Variants in CLCN5 observed in about 807,000 individuals in gnomAD.
CLCN5 encodes the protein H(+)/Cl(-) exchange transporter 5.
CLCN5 carries 17 observed loss-of-function variants against 54.0 expected under a neutral mutation model. The observed-to-expected ratio is 0.31, with a 90% CI of 0.22 to 0.47. The LOEUF is 0.47. Ranked by LOEUF, CLCN5 falls within the 20% of genes least tolerant of loss-of-function variation. The pLI, the probability that CLCN5 is intolerant of heterozygous loss-of-function variation, is 1.00. For synonymous variants in CLCN5, 222 were observed against 233.0 expected, an observed-to-expected ratio of 0.95 and a Z score of 0.43; for missense variants, 448 against 646.7, an observed-to-expected ratio of 0.69 and a Z score of 3.33.
At chrX:49,996,896 C>T (rs1431334311) in intron 3 of CLCN5, among the ~76,000 whole-genome samples, 2 of 111,873 alleles carry the variant, frequency 1.8e-5, no homozygotes, top group African/African-American at 3.3e-5. Context: ...TTGTGGCCTC[C>T]TTAGGTAGTA....
rs1327508988 is a variant in CLCN5, at chrX:49,922,774, C to T, written c.-223C>T. ...CCGGCGGCGGACACGGGCTCCGCCG[C>T]TCCGGACCTCGGCGACAGGTAAAGG... On this transcript the variant is annotated 5_prime_UTR_variant, in exon 1 of 15. Coordinates refer to ENST00000376091, the MANE Select transcript of CLCN5 (RefSeq NM_001127898.4). 1 of 113,210 alleles carries T rather than the reference C, an allele frequency of 8.8e-6. No homozygotes were observed. Among genetic ancestry groups the T allele is most frequent in the Non-Finnish European group, 1.9e-5 (1 of 53,330 alleles). 9.3% of individuals were successfully genotyped at this position (113,210 alleles called of 1,213,427 possible). A position where few individuals can be genotyped will look rare whatever the true frequency, so the allele number is the denominator to read the frequency against.
At chrX:49,924,422 T>A (rs1442703687) in intron 2 of CLCN5, among the ~76,000 whole-genome samples, 1 of 112,280 alleles carries the variant, frequency 8.9e-6, no homozygotes, top group Non-Finnish European at 1.9e-5. Context: ...TGCTTCGGCC[T>A]CCCAAAGTGC....
chrX:50,077,590 G>A (rs1933457469), intron 7 of CLCN5, among the ~76,000 whole-genome samples: 1 of 93,650 alleles, frequency 1.1e-5, no homozygotes, highest in Admixed American at 1.1e-4. Context: ...TAGGGTGGGT[G>A]TGAAAGAGAG....
intron 1 of CLCN5, 122 bp downstream of exon 1, chrX:49,922,914 A>AC (rs1309670757): frequency 1.8e-5 from 2 of 111,591 alleles, no homozygotes; most frequent in Non-Finnish European, 3.8e-5. Context: ...GCTGGCTTGG[A>AC]CCCCCGGAGA....
chrX:50,066,069 G>T, intron 4 of CLCN5, among the ~76,000 whole-genome samples: 1 of 103,514 alleles, frequency 9.7e-6, no homozygotes, highest in African/African-American at 3.6e-5. Context: ...GCTAGATGAT[G>T]AGTTAGTGGG....
chrX:49,989,791 G>A (rs782696653), intron 3 of CLCN5, among the ~76,000 whole-genome samples: 1 of 111,962 alleles, frequency 8.9e-6, no homozygotes, highest in South Asian at 3.8e-4. Context: ...TTTAAAAATT[G>A]TTTTCTGTTT....
intron 3 of CLCN5, among the ~76,000 whole-genome samples, chrX:49,935,257 A>T (rs1448131538): frequency 8.9e-6 from 1 of 111,944 alleles, no homozygotes; most frequent in Non-Finnish European, 1.9e-5. Flanking sequence ...TCAGTTGGTA[A>T]CATTCCTAGC....
intron 3 of CLCN5, among the ~76,000 whole-genome samples, chrX:49,958,876 G>A (rs782315315): frequency 1.6e-4 from 18 of 111,645 alleles, no homozygotes; most frequent in African/African-American, 5.5e-4. Flanking sequence ...CATTCTACTT[G>A]CTTGCTCGCT....
chrX:49,974,057 A>G (rs781919441), intron 3 of CLCN5, among the ~76,000 whole-genome samples: 1 of 112,298 alleles, frequency 8.9e-6, no homozygotes, highest in Non-Finnish European at 1.9e-5. Flanking sequence ...TGGTTCATCT[A>G]TGTCATAGCA....
At chrX:49,964,429 A>G (rs782633032) in intron 3 of CLCN5, among the ~76,000 whole-genome samples, 62 of 111,940 alleles carry the variant, frequency 5.5e-4, no homozygotes, top group African/African-American at 1.9e-3. Context: ...TATGAGGTGG[A>G]TACTGTTTTC....
Position 50,077,621 on chromosome X carries a change from AGTGT to A in CLCN5, c.603+1670_603+1673del, listed in dbSNP as rs34262397. Among the ~76,000 whole-genome samples, 550 of 78,645 alleles carry A rather than the reference AGTGT, an allele frequency of 7.0e-3. 4 individuals carry two copies. Among genetic ancestry groups the A allele is most frequent in the Middle Eastern group, 0.024 (4 of 165 alleles). The allele number at this position is 78,645 out of a possible 115,157, so 68.3% of individuals were successfully genotyped here. ...GAGAGAGAGAGAGAGAGAGAGAGAG[AGTGT>A]GTGTGTGTGTGTGTGTGTGTGTGTG... On this transcript the variant is annotated intron_variant, in intron 7 of 14. Coordinates refer to ENST00000376091, the MANE Select transcript of CLCN5 (RefSeq NM_001127898.4).
In CLCN5 at chrX:50,032,861, G is replaced by A. The variant is rs1274320157; in HGVS notation, c.17-9455G>A. On this transcript the variant is annotated intron_variant, in intron 3 of 14. Transcript: ENST00000376091. ...GGGTTTTTATGGTTTTAGGTCTAAC[G>A]TTTAAGTCTTTAATCCATCTTGAAT... 4.0e-3 allele frequency among the ~76,000 whole-genome samples: 437 copies of A among 109,997 alleles called. 5 individuals are homozygous for A. The highest frequency in any genetic ancestry group is 6.9e-3 in the Non-Finnish European group (365 of 52,842).
intron 4 of CLCN5, among the ~76,000 whole-genome samples, chrX:50,060,672 G>A (rs1365017882): frequency 8.9e-6 from 1 of 112,305 alleles, no homozygotes; most frequent in African/African-American, 3.2e-5. Context: ...AAGGAGGCCT[G>A]CCTGCCTCTG....
intron 4 of CLCN5, among the ~76,000 whole-genome samples, chrX:50,056,747 T>C (rs949946902): frequency 2.7e-5 from 3 of 112,059 alleles, no homozygotes; most frequent in Non-Finnish European, 5.6e-5. Flanking sequence ...GATGGAGCTG[T>C]ATCCACTGGG....
intron 3 of CLCN5, among the ~76,000 whole-genome samples, chrX:50,008,804 A>T (rs1296596956): frequency 1.8e-5 from 2 of 112,223 alleles, no homozygotes; most frequent in Non-Finnish European, 3.8e-5. Context: ...CTCTGATCTC[A>T]CATGGAACTC....
chrX:50,063,041 G>C (rs1484267621), intron 4 of CLCN5, among the ~76,000 whole-genome samples: 23 of 110,029 alleles, frequency 2.1e-4, no homozygotes, highest in Admixed American at 2.9e-4. Context: ...CACTAAATGC[G>C]CACAAGAGAA....
chrX:50,002,546 C>T (rs1359640608), intron 3 of CLCN5, among the ~76,000 whole-genome samples: 2 of 111,932 alleles, frequency 1.8e-5, no homozygotes, highest in Non-Finnish European at 3.8e-5. Flanking sequence ...AGCCACTTCT[C>T]ATACTTCTCA....
intron 4 of CLCN5, among the ~76,000 whole-genome samples, chrX:50,063,523 T>C (rs1447355930): frequency 1.4e-4 from 15 of 106,615 alleles, no homozygotes; most frequent in Admixed American, 1.4e-3. Flanking sequence ...ATCAATAGTT[T>C]ACCAACCAAA....
intron 4 of CLCN5, among the ~76,000 whole-genome samples, chrX:50,051,856 GAC>G (rs1201180446): frequency 2.7e-5 from 3 of 111,374 alleles, no homozygotes; most frequent in Admixed American, 1.9e-4. Context: ...TTTGTATATT[GAC>G]TTTATATCCT....
Sources: allele counts gnomAD v4.1 joint callset (sites outside exome capture counted in the v4.1 genomes callset), GRCh38; gene constraint gnomAD v4.1.1; transcripts MANE v1.5; gene names NCBI Gene and HGNC (gene_info 2026-07-23, HGNC 2026-07-21).